CADM2: variants seen among roughly 807,000 people sequenced by gnomAD.
The protein encoded by CADM2 is immunoglobulin superfamily member 4D.
CADM2 carries 12 observed loss-of-function variants against 49.8 expected under a neutral mutation model. That is an observed-to-expected ratio of 0.24 (90% CI 0.15 to 0.39). The LOEUF (loss-of-function observed/expected upper bound fraction) is 0.39, where lower values mean the gene tolerates loss of function less well. Ranked by LOEUF, CADM2 falls within the 10% of genes least tolerant of loss-of-function variation. CADM2 has a pLI of 1.00. For missense variants in CADM2, 378 were observed against 492.3 expected (o/e 0.77, Z 2.20); for synonymous variants, 214 against 175.4 (o/e 1.22, Z -1.74).
intron 1 of CADM2, among the ~76,000 whole-genome samples, chr3:85,042,530 C>T (rs1473121650): frequency 6.6e-6 from 1 of 151,976 alleles, no homozygotes; most frequent in Non-Finnish European, 1.5e-5. Context: ...AGATGCTCTG[C>T]AATAAATGAC....
intron 8 of CADM2, among the ~76,000 whole-genome samples, chr3:86,012,091 T>C (rs1388595115): frequency 1.3e-5 from 2 of 152,038 alleles, no homozygotes; most frequent in Non-Finnish European, 2.9e-5. Context: ...TGTGACTCCG[T>C]AAGGGACATA....
chr3:85,594,731 T>A (rs1274401151), intron 1 of CADM2, among the ~76,000 whole-genome samples: 1 of 152,020 alleles, frequency 6.6e-6, no homozygotes, highest in Non-Finnish European at 1.5e-5. Flanking sequence ...GTTTTTTGTT[T>A]TCATAAGTCT....
At chr3:85,358,465 G>A (rs141404046) in intron 1 of CADM2, among the ~76,000 whole-genome samples, 1 of 152,020 alleles carries the variant, frequency 6.6e-6, no homozygotes, top group Non-Finnish European at 1.5e-5. Flanking sequence ...TTTGGTGATG[G>A]GCAGAACAGC....
At chr3:85,095,590 T>C (rs6549014) in intron 1 of CADM2, among the ~76,000 whole-genome samples, 3,668 of 152,278 alleles carry the variant, frequency 0.024, 137 homozygotes, top group African/African-American at 0.083. Context: ...AAGGAACTTA[T>C]GATATACTTA....
chr3:85,276,963 T>G (rs1372644709), intron 1 of CADM2, among the ~76,000 whole-genome samples: 2 of 151,274 alleles, frequency 1.3e-5, no homozygotes, highest in Admixed American at 1.3e-4. Context: ...TATAAATCCT[T>G]TGAAAAAAAT....
intron 1 of CADM2, among the ~76,000 whole-genome samples, chr3:85,561,228 T>TTAACCC (rs1443773527): frequency 9.5e-6 from 1 of 104,786 alleles, no homozygotes; most frequent in Non-Finnish European, 2.4e-5. Flanking sequence ...CTGTGACTAT[T>TTAACCC]TAACAGTTTA....
intron 8 of CADM2, chr3:85,992,503 G>C (rs116669118): frequency 1.2e-3 from 183 of 152,150 alleles, no homozygotes; most frequent in African/African-American, 4.2e-3. Flanking sequence ...GTTTTCATGT[G>C]TATATTTAAA....
At chr3:85,919,760 C>G (rs962861819) in intron 6 of CADM2, among the ~76,000 whole-genome samples, 5 of 151,880 alleles carry the variant, frequency 3.3e-5, no homozygotes, top group Admixed American at 1.3e-4. Flanking sequence ...AAACTAAATT[C>G]TTCCCTGTAC....
At chr3:85,580,295 C>T (rs528167167) in intron 1 of CADM2, among the ~76,000 whole-genome samples, 32 of 152,090 alleles carry the variant, frequency 2.1e-4, no homozygotes, top group Non-Finnish European at 1.6e-4. Flanking sequence ...TGTCTAACAT[C>T]ATTCATGTTT....
chr3:85,937,794 C>T (rs1483966658), intron 7 of CADM2, among the ~76,000 whole-genome samples: 1 of 151,894 alleles, frequency 6.6e-6, no homozygotes, highest in Admixed American at 6.6e-5. Context: ...TCGTTTCTGG[C>T]ATGAGTTCTT....
At chr3:85,536,073 A>G (rs1304737289) in intron 1 of CADM2, among the ~76,000 whole-genome samples, 1 of 152,120 alleles carries the variant, frequency 6.6e-6, no homozygotes, top group Non-Finnish European at 1.5e-5. Context: ...ACAGACCAGT[A>G]GGAAGTCTAG....
rs552970837 is a variant in CADM2 at position 85,871,229 on chromosome 3, G to T, written c.239-12062G>T. Among the ~76,000 whole-genome samples the T allele has an allele frequency of 2.0e-5, 3 of 152,218 alleles. No homozygotes were observed. The South Asian group carries it at 6.2e-4, about 32-fold the overall frequency. ...TTAAAAAGTGGGTAAAACATGAACA[G>T]ACAGTTTTCAAAATAAGATATGCAC... is the stretch of plus-strand genomic sequence containing the variant. On this transcript the variant is annotated intron_variant, in intron 3 of 9. Coordinates refer to ENST00000383699, the MANE Select transcript of CADM2 (RefSeq NM_001167675.2).
intron 6 of CADM2, among the ~76,000 whole-genome samples, chr3:85,925,544 C>G (rs975024020): frequency 2.0e-5 from 3 of 152,002 alleles, no homozygotes; most frequent in Admixed American, 6.6e-5. Flanking sequence ...CAGGAAAAAA[C>G]GAGAATCAGA....
chr3:85,565,410 T>C (rs940574598), intron 1 of CADM2, among the ~76,000 whole-genome samples: 1 of 152,076 alleles, frequency 6.6e-6, no homozygotes. Context: ...AGTGTGACAT[T>C]TGCTATTAGT....
chr3:85,250,435 A>G (rs914687345), intron 1 of CADM2, among the ~76,000 whole-genome samples: 1 of 151,568 alleles, frequency 6.6e-6, no homozygotes, highest in African/African-American at 2.4e-5. Flanking sequence ...TTTCTGTATA[A>G]ATAAAAAATA....
Position 84,959,487 on chromosome 3 carries a change from G to C in CADM2, c.-121G>C, listed in dbSNP as rs2030227712. 2 of 944,920 alleles carry C rather than the reference G, an allele frequency of 2.1e-6. No individual in the cohort carries two copies. Among genetic ancestry groups the C allele is most frequent in the Non-Finnish European group, 1.6e-6 (1 of 627,774 alleles). 58.5% of individuals were successfully genotyped at this position (944,920 alleles called of 1,614,324 possible). A position where few individuals can be genotyped will look rare whatever the true frequency, so the allele number is the denominator to read the frequency against. ...CGCGGGTTCGAACACCGCAGCGGTG[G>C]GGACGGTGGGTCCGGCGGGCGCCGG... On this transcript the variant is annotated 5_prime_UTR_variant, in exon 1 of 10. Transcript: ENST00000383699.
chr3:85,209,724 C>G (rs2041732929), intron 1 of CADM2, among the ~76,000 whole-genome samples: 2 of 151,900 alleles, frequency 1.3e-5, no homozygotes, highest in Non-Finnish European at 2.9e-5. Context: ...TTGCTGCACA[C>G]TGCAGGCGTT....
chr3:85,603,040 T>A (rs2063452826), intron 1 of CADM2, among the ~76,000 whole-genome samples: 1 of 151,880 alleles, frequency 6.6e-6, no homozygotes, highest in South Asian at 2.1e-4. Flanking sequence ...TTCATATCTC[T>A]AATCATGTTA....
intron 6 of CADM2, among the ~76,000 whole-genome samples, chr3:85,925,095 T>G (rs1340727170): frequency 6.6e-6 from 1 of 152,206 alleles, no homozygotes; most frequent in African/African-American, 2.4e-5. Context: ...TTCTCTGAAT[T>G]ATTTTAAATG....
Sources: gnomAD v4.1 joint callset for allele counts (sites outside exome capture counted in the v4.1 genomes callset) on GRCh38, gnomAD v4.1.1 for gene constraint, MANE v1.5 for transcripts, NCBI Gene and HGNC (gene_info 2026-07-23, HGNC 2026-07-21) for gene names.